The following ATAD5 variants were observed in gnomAD, a reference collection of about 807,000 sequenced individuals.
The protein encoded by ATAD5 is ATPase family AAA domain-containing protein 5.
Under a neutral mutation model 176.9 loss-of-function variants are expected in ATAD5, and 58 were observed. That is an observed-to-expected ratio of 0.33 (90% CI 0.27 to 0.41). The LOEUF (loss-of-function observed/expected upper bound fraction) is 0.41. Ranked by LOEUF, ATAD5 falls within the 10% of genes least tolerant of loss-of-function variation. ATAD5 has a pLI of 1.00. For synonymous variants in ATAD5, 640 were observed against 712.6 expected (o/e 0.90, Z 1.62); for missense variants, 1,789 against 2,094.1 (o/e 0.85, Z 2.84).
At chr17:30,850,820 TA>T (rs1906839440) in intron 6 of ATAD5, among the ~76,000 whole-genome samples, 3 of 76,770 alleles carry the variant, frequency 3.9e-5, no homozygotes, top group African/African-American at 2.1e-4. Flanking sequence ...TTATTATTTA[TA>T]TTTATATATT....
At chr17:30,889,001 A>C (rs1909474458) in intron 19 of ATAD5, among the ~76,000 whole-genome samples, 1 of 151,204 alleles carries the variant, frequency 6.6e-6, no homozygotes. Context: ...CGGAGGCTGC[A>C]GTGAGCCAAG....
At chr17:30,843,130 T>C (rs564435027) in intron 4 of ATAD5, among the ~76,000 whole-genome samples, 1 of 151,634 alleles carries the variant, frequency 6.6e-6, no homozygotes, top group Non-Finnish European at 1.5e-5. Context: ...GGTGGGAGGA[T>C]TGCCTGAGCC....
chr17:30,885,758 C>T (rs1450947981), intron 18 of ATAD5, among the ~76,000 whole-genome samples: 3 of 151,402 alleles, frequency 2.0e-5, no homozygotes, highest in Non-Finnish European at 4.4e-5. Flanking sequence ...CTCAGCCTCC[C>T]GAGTAGCTGG....
At chr17:30,832,454 C>CT in intron 1 of ATAD5, 41 bp downstream of exon 1, 1 of 1,452,464 alleles carries the variant, frequency 6.9e-7, no homozygotes, top group Non-Finnish European at 9.2e-7. Context: ...CTTCCTCTAT[C>CT]TTTTGGGGGA....
Position 30,895,121 on chromosome 17 carries a change from A to C in ATAD5, c.*208A>C, listed in dbSNP as rs1280324822. ...GTAATTTTTTTTCTGAATTTTTTGT[A>C]TTATCTGATTTAGCTTTGTTGGAGT... is the stretch of plus-strand genomic sequence containing the variant. On this transcript the variant is annotated 3_prime_UTR_variant, in exon 23 of 23. Transcript: ENST00000321990. 5.1e-6 allele frequency: 2 copies of C among 395,674 alleles called. No homozygotes were observed. The highest frequency in any genetic ancestry group is 8.4e-5 in the Admixed American group (2 of 23,950). The allele number at this position is 395,674 out of a possible 1,614,324, so 24.5% of individuals were successfully genotyped here.
At chr17:30,839,299 CT>C (rs1439852132) in intron 3 of ATAD5, among the ~76,000 whole-genome samples, 8 of 126,214 alleles carry the variant, frequency 6.3e-5, no homozygotes, top group Admixed American at 3.1e-4. Flanking sequence ...TTTTTTTTTT[CT>C]TTTTGAGACG....
intron 1 of ATAD5, among the ~76,000 whole-genome samples, chr17:30,833,663 T>G (rs1226230816): frequency 6.6e-6 from 1 of 152,042 alleles, no homozygotes; most frequent in Admixed American, 6.6e-5. Flanking sequence ...CTGAATGGCG[T>G]TTTTCTAATA....
In ATAD5 at chr17:30,834,355, G is replaced by T; in HGVS notation, c.274G>T (p.Val92Phe). ...CKIKSPESVP[V>F]DSNKDCTTPL... ...GATAAAGTCACCTGAATCAGTACCT[G>T]TTGACAGCAACAAAGACTGTACGAC... The change falls in exon 2 of 23, where the codon GTT becomes TTT. Residue 92 changes from valine (V) to phenylalanine (F), a missense_variant. Val to Phe is a conservative substitution (Grantham distance 50, BLOSUM62 -1). This residue lies in a region of ATAD5 where 696 missense variants were observed against 712.5 expected (regional missense o/e 0.98). Transcript: ENST00000321990. The T allele has an allele frequency of 6.2e-7, 1 of 1,610,362 alleles. No homozygotes were observed. Among genetic ancestry groups the T allele is most frequent in the Non-Finnish European group, 8.5e-7 (1 of 1,178,834 alleles).
chr17:30,886,276 T>C (rs980334614), intron 18 of ATAD5, among the ~76,000 whole-genome samples: 15 of 151,608 alleles, frequency 9.9e-5, no homozygotes, highest in Non-Finnish European at 1.6e-4. Flanking sequence ...TAAGAGTTTG[T>C]ATAGGGTTGA....
Position 30,845,226 on chromosome 17 carries a change from G to T in ATAD5, c.2450+310G>T, listed in dbSNP as rs80342810. Among the ~76,000 whole-genome samples, 1,431 of 152,230 alleles carry T rather than the reference G, an allele frequency of 9.4e-3. 21 individuals carry two copies. The highest frequency in any genetic ancestry group is 0.032 in the African/African-American group (1,329 of 41,518). Reference sequence around the variant, plus strand: ...ACCAGGTACTGTTTTTGGTATCAGAGATATTATGGGGATAAGACAGGACAC... The same window carrying T: ...ACCAGGTACTGTTTTTGGTATCAGATATATTATGGGGATAAGACAGGACAC... On this transcript the variant is annotated intron_variant, in intron 6 of 22. Coordinates refer to ENST00000321990, the MANE Select transcript of ATAD5 (RefSeq NM_024857.5).
chr17:30,850,823 T>TTA (rs200176707), intron 6 of ATAD5, among the ~76,000 whole-genome samples: 1 of 60,488 alleles, frequency 1.7e-5, no homozygotes, highest in Non-Finnish European at 2.9e-5. Context: ...TTATTTATAT[T>TTA]TATATATTTT....
intron 3 of ATAD5, among the ~76,000 whole-genome samples, chr17:30,840,297 G>T (rs971098165): frequency 2.6e-5 from 4 of 151,748 alleles, no homozygotes; most frequent in Non-Finnish European, 5.9e-5. Flanking sequence ...CATATAGTAG[G>T]CTGGGTAACT....
chr17:30,842,063 G>A (rs1269027569), intron 4 of ATAD5, among the ~76,000 whole-genome samples: 1 of 152,156 alleles, frequency 6.6e-6, no homozygotes, highest in Non-Finnish European at 1.5e-5. Flanking sequence ...GAGGTCAGGA[G>A]TTTGAGACCA....
At chr17:30,867,049 CTTCT>C (rs1468343796) in intron 11 of ATAD5, among the ~76,000 whole-genome samples, 5 of 149,114 alleles carry the variant, frequency 3.4e-5, no homozygotes, top group East Asian at 3.9e-4. Context: ...TGTATTGTTC[CTTCT>C]TTCTTTTTTT....
intron 18 of ATAD5, 39 bp from the exon 19 acceptor site, chr17:30,887,152 GA>G: frequency 6.7e-7 from 1 of 1,491,966 alleles, no homozygotes; most frequent in Non-Finnish European, 9.0e-7. Flanking sequence ...GTATCTATTT[GA>G]ACTCAGCAGT....
intron 17 of ATAD5, among the ~76,000 whole-genome samples, chr17:30,878,583 TATA>T (rs1016115009): frequency 6.6e-6 from 1 of 152,194 alleles, no homozygotes; most frequent in Non-Finnish European, 1.5e-5. Context: ...TTGGAAATAC[TATA>T]ATAATTTTCT....
chr17:30,879,859 GT>G (rs2142426335), intron 18 of ATAD5, among the ~76,000 whole-genome samples: 1 of 151,876 alleles, frequency 6.6e-6, no homozygotes, highest in East Asian at 2.0e-4. Context: ...ACTGCGCCCG[GT>G]CCAATACAGC....
At chr17:30,883,798 C>T (rs1407699761) in intron 18 of ATAD5, among the ~76,000 whole-genome samples, 3 of 152,198 alleles carry the variant, frequency 2.0e-5, no homozygotes, top group Non-Finnish European at 4.4e-5. Context: ...ATCCGCCCGT[C>T]TCGGCCTCCC....
intron 18 of ATAD5, among the ~76,000 whole-genome samples, chr17:30,880,705 C>CT (rs539698214): frequency 1.2e-4 from 18 of 150,854 alleles, no homozygotes; most frequent in South Asian, 4.2e-4. Context: ...GATTATTTCT[C>CT]TTTTTTTTGC....
Sources: allele counts gnomAD v4.1 joint callset (sites outside exome capture counted in the v4.1 genomes callset), GRCh38; gene constraint gnomAD v4.1.1; regional missense constraint gnomAD v4.1.1; transcripts MANE v1.5; gene names NCBI Gene and HGNC (gene_info 2026-07-23, HGNC 2026-07-21).